ANKRD44: variants seen among roughly 807,000 people sequenced by gnomAD.
The protein encoded by ANKRD44 is serine/threonine-protein phosphatase 6 regulatory ankyrin repeat subunit B.
A neutral mutation model predicts 116.0 loss-of-function variants in ANKRD44; 35 were observed. That is an observed-to-expected ratio of 0.30 (90% confidence interval 0.23 to 0.40). ANKRD44 has a LOEUF of 0.40. Among genes scored for constraint, ANKRD44 ranks in the 10% least tolerant of loss-of-function variants. ANKRD44 has a pLI of 1.00. For synonymous variants in ANKRD44, 435 were observed against 461.8 expected (o/e 0.94, Z 0.74); for missense variants, 1,014 against 1,242.6 (o/e 0.82, Z 2.77).
chr2:197,261,044 G>C (rs935844483), intron 1 of ANKRD44, among the ~76,000 whole-genome samples: 50 of 151,666 alleles, frequency 3.3e-4, no homozygotes, highest in African/African-American at 1.2e-3. Flanking sequence ...TCACTCTGAT[G>C]GTAGTTTCTT....
At chr2:196,980,892 A>C (rs1453061421) in intron 21 of ANKRD44, among the ~76,000 whole-genome samples, 1 of 152,238 alleles carries the variant, frequency 6.6e-6, no homozygotes, top group Non-Finnish European at 1.5e-5. Context: ...ATACCTGAAT[A>C]ATAGATGTTT....
At chr2:196,969,426 T>C (rs1288366889) in intron 21 of ANKRD44, among the ~76,000 whole-genome samples, 1 of 152,184 alleles carries the variant, frequency 6.6e-6, no homozygotes, top group African/African-American at 2.4e-5. Flanking sequence ...CCTGTTTTTA[T>C]ACCACTTTTT....
chr2:197,291,038 G>A (rs1183514724), intron 1 of ANKRD44, among the ~76,000 whole-genome samples: 1 of 151,950 alleles, frequency 6.6e-6, no homozygotes, highest in Non-Finnish European at 1.5e-5. Context: ...GGGAGACCCT[G>A]TCTGTACAAA....
At chr2:197,146,564 TAG>T (rs966326921) in intron 3 of ANKRD44, among the ~76,000 whole-genome samples, 3 of 151,236 alleles carry the variant, frequency 2.0e-5, no homozygotes, top group East Asian at 1.9e-4. Context: ...CATGTATATA[TAG>T]AGAGAGAGTA....
At position 196,998,965 on chromosome 2, in the gene ANKRD44, A is replaced by G. The variant is rs1193426763; in HGVS notation, c.2607T>C (p.Asp869=). ...TCATCAGTGCTGTTTTCCCTGAATT[A>G]TCTACTGCGTTCACTGGAGCACTGT... ...LRHSAPVNAV[D]NSGKTALMMA... is the part of the protein sequence containing the mutation. The change falls in exon 24 of 28, where the codon GAT becomes GAC. Residue 869 remains aspartate, a synonymous_variant. Transcript: ENST00000282272. 2.5e-6 allele frequency: 4 copies of G among 1,614,232 alleles called. No individual in the cohort carries two copies. The Admixed American group carries it at 6.7e-5, about 27-fold the overall frequency.
intron 16 of ANKRD44, among the ~76,000 whole-genome samples, chr2:197,033,209 T>C (rs2076740953): frequency 6.6e-6 from 1 of 151,882 alleles, no homozygotes; most frequent in African/African-American, 2.4e-5. Flanking sequence ...TTTTAAGGGT[T>C]TGGAAGAGGA....
intron 16 of ANKRD44, among the ~76,000 whole-genome samples, chr2:197,035,027 G>A (rs2076782703): frequency 6.6e-6 from 1 of 152,148 alleles, no homozygotes; most frequent in Non-Finnish European, 1.5e-5. Context: ...AGGATTGGAG[G>A]ACTCACATGA....
intron 2 of ANKRD44, among the ~76,000 whole-genome samples, chr2:197,155,196 TAAAAC>T (rs2079778439): frequency 6.6e-6 from 1 of 152,208 alleles, no homozygotes; most frequent in South Asian, 2.1e-4. Flanking sequence ...ATTTGATCCT[TAAAAC>T]AATACTGTGA....
In ANKRD44 at chr2:197,172,716, G is replaced by A. The variant is rs191864870; in HGVS notation, c.111+14307C>T. ...AGTAACTGGGGTTACAGGTGCCCAC[G>A]ACCACACCCAGCTAATTTTTTGTAT... On this transcript the variant is annotated intron_variant, in intron 2 of 27. Transcript: ENST00000282272. 4.2e-4 allele frequency among the ~76,000 whole-genome samples: 64 copies of A among 152,040 alleles called. 1 individual carries two copies. Among genetic ancestry groups the A allele is most frequent in the Admixed American group, 3.5e-3 (54 of 15,280 alleles).
At chr2:197,139,770 T>A (rs1029454926) in intron 3 of ANKRD44, among the ~76,000 whole-genome samples, 1 of 151,968 alleles carries the variant, frequency 6.6e-6, no homozygotes, top group Non-Finnish European at 1.5e-5. Flanking sequence ...TCTAACAAAA[T>A]ATTTTCAAGA....
At chr2:197,303,934 C>T (rs929044450) in intron 1 of ANKRD44, among the ~76,000 whole-genome samples, 95 of 152,164 alleles carry the variant, frequency 6.2e-4, no homozygotes, top group African/African-American at 2.2e-3. Context: ...GGGCAAATAC[C>T]TGCATTCCCG....
rs112711739 is a variant in ANKRD44, at chr2:196,981,309, C to T, written c.2368+12274G>A. Among the ~76,000 whole-genome samples, 94 of 152,314 alleles carry T rather than the reference C, an allele frequency of 6.2e-4. 1 individual carries two copies. Among genetic ancestry groups the T allele is most frequent in the African/African-American group, 1.4e-3 (60 of 41,570 alleles). On this transcript the variant is annotated intron_variant, in intron 21 of 21. Transcript: ENST00000424317. Reference sequence around the variant, plus strand: ...TTCCATAACCCTCTCTCCCTTTGGACTTACCTAGCAAAGCTCTATACCAGG... The same window carrying T: ...TTCCATAACCCTCTCTCCCTTTGGATTTACCTAGCAAAGCTCTATACCAGG...
At chr2:197,239,699 A>G (rs928426745) in intron 1 of ANKRD44, among the ~76,000 whole-genome samples, 3 of 152,168 alleles carry the variant, frequency 2.0e-5, no homozygotes, top group Non-Finnish European at 4.4e-5. Context: ...ATCTTGATAA[A>G]TTTTTGCAAC....
At chr2:197,269,467 T>C (rs1179332520) in intron 1 of ANKRD44, among the ~76,000 whole-genome samples, 2 of 152,174 alleles carry the variant, frequency 1.3e-5, no homozygotes, top group Admixed American at 6.5e-5. Context: ...CGCAGATGAC[T>C]GTAACTATGG....
At chr2:196,984,003 A>G (rs1451809725), downstream of ANKRD44, among the ~76,000 whole-genome samples, 1 of 152,230 alleles carries the variant, frequency 6.6e-6, no homozygotes, top group Non-Finnish European at 1.5e-5. Flanking sequence ...ACCAGGGCAC[A>G]TGTGCTCAGC....
intron 1 of ANKRD44, chr2:197,197,976 G>A (rs1011525453): frequency 2.0e-5 from 3 of 152,278 alleles, no homozygotes; most frequent in Non-Finnish European, 2.9e-5. Context: ...ACAGGCCGCA[G>A]GAGAAGTGCA....
At chr2:197,145,221 G>A (rs1179258109) in intron 3 of ANKRD44, among the ~76,000 whole-genome samples, 1 of 152,092 alleles carries the variant, frequency 6.6e-6, no homozygotes, top group Non-Finnish European at 1.5e-5. Context: ...AACCCAAGAG[G>A]CAGAGGTTGC....
chr2:197,310,466 C>T, intron 1 of ANKRD44, 112 bp downstream of exon 1: 1 of 769,076 alleles, frequency 1.3e-6, no homozygotes, highest in Non-Finnish European at 1.6e-6. Context: ...TCCTCCCCTT[C>T]GCCGCGAGTA....
chr2:196,987,952 G>T lies in ANKRD44; in HGVS notation c.*1639C>A, dbSNP rs894955286. On this transcript the variant is annotated 3_prime_UTR_variant, in exon 28 of 28. Transcript: ENST00000282272. ...CATTTCTTTAAAAAAATTTTGCCTT[G>T]GGGTATGGGAGAAAGAGAAAGAGAG... The T allele has an allele frequency of 1.0e-6, 1 of 984,966 alleles. No individual in the cohort carries two copies. The highest frequency in any genetic ancestry group is 6.2e-5 in the Admixed American group (1 of 16,232). The allele number at this position is 984,966 out of a possible 1,614,324, so 61.0% of individuals were successfully genotyped here.
Sources: gnomAD v4.1 joint callset for allele counts (sites outside exome capture counted in the v4.1 genomes callset) on GRCh38, gnomAD v4.1.1 for gene constraint, MANE v1.5 for transcripts, NCBI Gene and HGNC (gene_info 2026-07-23, HGNC 2026-07-21) for gene names.